PCDH15: variants seen among roughly 807,000 people sequenced by gnomAD.
The protein encoded by PCDH15 is protocadherin-15.
In PCDH15, 129 loss-of-function variants were observed where a neutral mutation model predicts 178.5. The observed-to-expected ratio is 0.72, with a 90% CI of 0.63 to 0.84. The LOEUF is 0.84. Among genes scored for constraint, PCDH15 ranks in the 40% least tolerant of loss-of-function variants. PCDH15 has a pLI of 0.00. For missense variants in PCDH15, 2,230 were observed against 2,099.9 expected, an observed-to-expected ratio of 1.06 and a Z score of -1.21; for synonymous variants, 800 against 732.0, an observed-to-expected ratio of 1.09 and a Z score of -1.50.
chr10:55,072,187 A>G (rs1288281193), intron 2 of PCDH15, among the ~76,000 whole-genome samples: 1 of 152,188 alleles, frequency 6.6e-6, no homozygotes, highest in Non-Finnish European at 1.5e-5. Context: ...AATTAAAAGA[A>G]CTAGAAAAGC....
At chr10:54,784,225 C>T (rs1950628165) in intron 1 of PCDH15, among the ~76,000 whole-genome samples, 1 of 151,656 alleles carries the variant, frequency 6.6e-6, no homozygotes, top group African/African-American at 2.4e-5. Context: ...ACGGCCTAAC[C>T]ATATCTCCAC....
chr10:54,610,675 T>G (rs186223440), intron 2 of PCDH15, among the ~76,000 whole-genome samples: 113 of 152,036 alleles, frequency 7.4e-4, no homozygotes, highest in African/African-American at 2.6e-3. Flanking sequence ...GAGTTCTGTT[T>G]TGCTGTGCTA....
At chr10:55,043,249 T>C (rs748909767) in intron 2 of PCDH15, among the ~76,000 whole-genome samples, 37 of 152,206 alleles carry the variant, frequency 2.4e-4, no homozygotes, top group Middle Eastern at 3.4e-3. Flanking sequence ...TTCTTTACTA[T>C]AACCTTATTT....
intron 23 of PCDH15, among the ~76,000 whole-genome samples, chr10:53,958,978 C>CAAAAAAA (rs71004497): frequency 6.5e-5 from 3 of 45,818 alleles, no homozygotes; most frequent in African/African-American, 2.8e-4. Flanking sequence ...GACTCCATCT[C>CAAAAAAA]AAAAAAAAAA....
chr10:54,578,753 A>C (rs541850389), intron 2 of PCDH15, among the ~76,000 whole-genome samples: 1 of 152,232 alleles, frequency 6.6e-6, no homozygotes, highest in African/African-American at 2.4e-5. Context: ...GAATGGCATA[A>C]ATTATTTAAG....
intron 25 of PCDH15, among the ~76,000 whole-genome samples, chr10:53,918,797 A>G (rs1251364928): frequency 6.6e-6 from 1 of 151,840 alleles, no homozygotes; most frequent in Non-Finnish European, 1.5e-5. Flanking sequence ...TTGCTTCTGT[A>G]ATAGATTACG....
At chr10:54,180,042 A>T (rs563844086) in intron 13 of PCDH15, among the ~76,000 whole-genome samples, 215 of 152,338 alleles carry the variant, frequency 1.4e-3, no homozygotes, top group Non-Finnish European at 2.5e-3. Context: ...TTGACATCTG[A>T]TAAAACGGTC....
chr10:54,405,290 G>A (rs1169067873), intron 3 of PCDH15, among the ~76,000 whole-genome samples: 1 of 151,970 alleles, frequency 6.6e-6, no homozygotes, highest in Admixed American at 6.6e-5. Flanking sequence ...AAGAAAATGT[G>A]GTACATAAAC....
chr10:55,334,242 A>ATATATATATATATATGTGTGTGTGTG (rs1291195941), intron 2 of PCDH15, among the ~76,000 whole-genome samples: 1 of 72,158 alleles, frequency 1.4e-5, no homozygotes, highest in Non-Finnish European at 2.2e-5. Flanking sequence ...ATATATATAT[A>ATATATATATATATATGTGTGTGTGTG]TGTGTGTGTG....
chr10:55,066,036 T>A (rs1266578092), intron 2 of PCDH15, among the ~76,000 whole-genome samples: 2 of 151,970 alleles, frequency 1.3e-5, no homozygotes, highest in Non-Finnish European at 2.9e-5. Context: ...AATTTTTATT[T>A]ACACATTTAT....
At chr10:54,758,404 G>T (rs1947440368) in intron 1 of PCDH15, among the ~76,000 whole-genome samples, 1 of 152,112 alleles carries the variant, frequency 6.6e-6, no homozygotes, top group Non-Finnish European at 1.5e-5. Flanking sequence ...ACAGTGTATT[G>T]TGTTGCTGAC....
chr10:55,384,608 C>A (rs1372381414), intron 2 of PCDH15, among the ~76,000 whole-genome samples: 1 of 151,996 alleles, frequency 6.6e-6, no homozygotes, highest in Non-Finnish European at 1.5e-5. Flanking sequence ...TCCCCTGGTT[C>A]TTTCTTCTTC....
chr10:55,354,650 A>C (rs926652282), intron 2 of PCDH15, among the ~76,000 whole-genome samples: 1 of 152,086 alleles, frequency 6.6e-6, no homozygotes, highest in Non-Finnish European at 1.5e-5. Flanking sequence ...AACATTCATC[A>C]GTGAAATTCA....
rs145630861 is a variant in PCDH15 at position 53,934,934 on chromosome 10, T to TAA, written c.3373+3879_3373+3880dup. On this transcript the variant is annotated intron_variant, in intron 25 of 37. Coordinates refer to ENST00000644397, the MANE Select transcript of PCDH15 (RefSeq NM_001384140.1). ...AACACCAGAATAGATGCCACATTAA[T>TAA]AAAAAAAAAAAAGTCTAGAATTAAA... 1.0e-4 allele frequency among the ~76,000 whole-genome samples: 12 copies of TAA among 119,896 alleles called. No homozygotes were observed. In the East Asian group the frequency reaches 2.3e-3, roughly 23 times the overall value. The allele number at this position is 119,896 out of a possible 152,430, so 78.7% of individuals were successfully genotyped here. A position where few individuals can be genotyped will look rare whatever the true frequency, so the allele number is the denominator to read the frequency against.
At chr10:54,695,247 A>T (rs960939088) in intron 1 of PCDH15, among the ~76,000 whole-genome samples, 6 of 152,160 alleles carry the variant, frequency 3.9e-5, no homozygotes, top group African/African-American at 1.4e-4. Context: ...GATTGTGGAT[A>T]TAGAGAAAGT....
chr10:54,152,919 C>T (rs1382147235), intron 14 of PCDH15, among the ~76,000 whole-genome samples, 181 bp downstream of exon 14: 4 of 151,996 alleles, frequency 2.6e-5, no homozygotes, highest in African/African-American at 7.3e-5. Flanking sequence ...TGATATTGTC[C>T]TCTTCCCAAA....
At chr10:54,239,064 G>T (rs937360616) in intron 8 of PCDH15, among the ~76,000 whole-genome samples, 1 of 152,034 alleles carries the variant, frequency 6.6e-6, no homozygotes, top group Non-Finnish European at 1.5e-5. Context: ...TATAAAATAA[G>T]TAATTTCTTA....
At chr10:54,385,576 G>A (rs1412616437) in intron 3 of PCDH15, among the ~76,000 whole-genome samples, 1 of 152,082 alleles carries the variant, frequency 6.6e-6, no homozygotes, top group Non-Finnish European at 1.5e-5. Flanking sequence ...AATTAAAGCA[G>A]CAAAAATGTA....
intron 23 of PCDH15, among the ~76,000 whole-genome samples, chr10:53,951,601 T>C (rs2087056079): frequency 6.6e-6 from 1 of 152,188 alleles, no homozygotes; most frequent in African/African-American, 2.4e-5. Context: ...CAATTTGAGA[T>C]TTTTGGTCGT....
Sources: gnomAD v4.1 joint callset for allele counts (sites outside exome capture counted in the v4.1 genomes callset) on GRCh38, gnomAD v4.1.1 for gene constraint, MANE v1.5 for transcripts, NCBI Gene and HGNC (gene_info 2026-07-23, HGNC 2026-07-21) for gene names.